Variants in SLC39A6 observed in about 807,000 individuals in gnomAD.
SLC39A6 encodes zinc transporter ZIP6.
A neutral mutation model predicts 63.5 loss-of-function variants in SLC39A6; 51 were observed. That is an observed-to-expected ratio of 0.80 (90% CI 0.64 to 1.01). The LOEUF is 1.01. Among genes scored for constraint, SLC39A6 ranks in the 50% least tolerant of loss-of-function variants. SLC39A6 has a pLI of 0.00. For synonymous variants in SLC39A6, 318 were observed against 324.7 expected (o/e 0.98, Z 0.22); for missense variants, 805 against 927.8 (o/e 0.87, Z 1.72).
At chr18:36,116,583 A>T in intron 6 of SLC39A6, 91 bp downstream of exon 6, 1 of 828,702 alleles carries the variant, frequency 1.2e-6, no homozygotes, top group Non-Finnish European at 2.0e-6. Context: ...ACCAAGGGAC[A>T]TGGTCCCATT....
chr18:36,109,753 A>T lies in SLC39A6; in HGVS notation c.2116-8T>A. Reference sequence around the variant, plus strand: ...GTGCAGCATTTCAGGTACCTTTAAAAAAAAGTAAGGGAAAATAAGAGTGAC... The same window carrying T: ...GTGCAGCATTTCAGGTACCTTTAAATAAAAGTAAGGGAAAATAAGAGTGAC... On this transcript the variant is annotated splice_polypyrimidine_tract_variant and splice_region_variant and intron_variant, in intron 9 of 9. Transcript: ENST00000269187. The T allele has an allele frequency of 6.3e-7, 1 of 1,588,326 alleles. No individual in the cohort carries two copies.
chr18:36,120,159 C>T (rs1258193358), intron 5 of SLC39A6, among the ~76,000 whole-genome samples: 2 of 151,996 alleles, frequency 1.3e-5, no homozygotes, highest in Admixed American at 1.3e-4. Context: ...CATGGGATCT[C>T]CCAGAGGTGC....
rs1298250677 is a variant in SLC39A6 at position 36,109,726 on chromosome 18, T to C, written c.2135A>G (p.Asn712Ser). 5.6e-6 allele frequency: 9 copies of C among 1,608,206 alleles called. No individual in the cohort carries two copies. Among genetic ancestry groups the C allele is most frequent in the Non-Finnish European group, 7.6e-6 (9 of 1,178,194 alleles). ...GCTACATCCATGGTCACTAGCATCA[T>C]TGTGCAGCATTTCAGGTACCTTTAA... Reference protein sequence around the residue: ...LVDMVPEMLHNDASDHGCSRW... With the variant: ...LVDMVPEMLHSDASDHGCSRW... Residue 712 changes from asparagine (N) to serine (S), a missense_variant, in exon 10 of 10, where the codon AAT becomes AGT. Around this residue, in one of 4 missense-constraint regions of SLC39A6, gnomAD observed 145 missense variants for 227.2 expected, o/e 0.64. Coordinates refer to ENST00000269187, the MANE Select transcript of SLC39A6 (RefSeq NM_012319.4).
intron 2 of SLC39A6, among the ~76,000 whole-genome samples, chr18:36,125,388 C>T (rs2089428871): frequency 6.6e-6 from 1 of 151,486 alleles, no homozygotes; most frequent in South Asian, 2.1e-4. Context: ...CCCAAACTGG[C>T]TTTAGTACCA....
At chr18:36,116,882 G>T in intron 5 of SLC39A6, 103 bp from the exon 6 acceptor site, 1 of 713,246 alleles carries the variant, frequency 1.4e-6, no homozygotes, top group South Asian at 1.8e-5. Context: ...TGCCCCCACA[G>T]TCATCTACTC....
intron 1 of SLC39A6, among the ~76,000 whole-genome samples, chr18:36,128,092 C>T (rs1271953910): frequency 2.0e-5 from 3 of 152,154 alleles, no homozygotes; most frequent in African/African-American, 7.2e-5. Context: ...TAATCATCCA[C>T]AGTAGTGTTT....
At position 36,122,177 on chromosome 18, in the gene SLC39A6, T is replaced by G; in HGVS notation, c.1234A>C (p.Ile412Leu). Reference protein sequence around the residue: ...PLFSHLSSQNIEESAYFDSTW... With the variant: ...PLFSHLSSQNLEESAYFDSTW... ...GAATCAAAATAGGCACTTTCTTCTA[T>G]GTTTTGAGAAGACAGATGACTGAAA... Residue 412 changes from isoleucine (I) to leucine (L), a missense_variant, in exon 5 of 10, where the codon ATA (isoleucine) becomes CTA (leucine). Around this residue, in one of 4 missense-constraint regions of SLC39A6, gnomAD observed 639 missense variants for 644.0 expected, o/e 0.99. Coordinates refer to ENST00000269187, the MANE Select transcript of SLC39A6 (RefSeq NM_012319.4). The G allele has an allele frequency of 6.2e-7, 1 of 1,613,868 alleles. No homozygotes were observed. The highest frequency in any genetic ancestry group is 2.2e-5 in the East Asian group (1 of 44,870).
At chr18:36,118,070 C>T (rs1352114915) in intron 5 of SLC39A6, among the ~76,000 whole-genome samples, 2 of 150,684 alleles carry the variant, frequency 1.3e-5, no homozygotes, top group Non-Finnish European at 1.5e-5. Context: ...CAAATCTTTA[C>T]ACTTATCCTG....
chr18:36,118,638 G>A (rs2089367132), intron 5 of SLC39A6, among the ~76,000 whole-genome samples: 1 of 152,124 alleles, frequency 6.6e-6, no homozygotes, highest in Non-Finnish European at 1.5e-5. Context: ...TGAGGCTGAG[G>A]CAACTAAAGG....
chr18:36,121,553 T>G (rs563119417), intron 5 of SLC39A6, among the ~76,000 whole-genome samples: 3 of 149,326 alleles, frequency 2.0e-5, no homozygotes, highest in East Asian at 3.9e-4. Flanking sequence ...CTCAAAAGGG[T>G]TTTTTTTGGC....
rs534085948 is a variant in SLC39A6 at position 36,112,450 on chromosome 18, C to A, written c.1924+51G>T. On this transcript the variant is annotated intron_variant, in intron 8 of 9. Coordinates refer to ENST00000269187, the MANE Select transcript of SLC39A6 (RefSeq NM_012319.4). ...AACTACCATTAGCAAAAGCCAGTGA[C>A]ACTAGAACATTTCACCCACTTGGCA... is the stretch of plus-strand genomic sequence containing the variant. 68 of 1,339,802 alleles carry A rather than the reference C, an allele frequency of 5.1e-5. 1 individual carries two copies. The East Asian group carries it at 8.0e-4, about 16-fold the overall frequency. 83.0% of individuals were successfully genotyped at this position (1,339,802 alleles called of 1,614,324 possible).
Position 36,126,647 on chromosome 18 carries a change from C to T in SLC39A6, c.361G>A (p.Glu121Lys), listed in dbSNP as rs370708313. The change falls in exon 2 of 10, where the codon GAG becomes AAG. Residue 121 changes from glutamate to lysine, a missense_variant. This residue lies in a region of SLC39A6 where 639 missense variants were observed against 644.0 expected (regional missense o/e 0.99). Coordinates refer to ENST00000269187, the MANE Select transcript of SLC39A6 (RefSeq NM_012319.4). ...HSDHEHHSEH[E>K]HHSDHDHHSH... The stretch of plus-strand genomic sequence containing the variant: ...TGATGATCATGGTCAGAGTGATGCT[C>T]GTGCTCTGAGTGATGCTCATGGTCT... 8.1e-6 allele frequency: 13 copies of T among 1,602,406 alleles called. No homozygotes were observed. In the East Asian group the frequency reaches 1.3e-4, roughly 17 times the overall value.
chr18:36,123,422 C>T, intron 4 of SLC39A6, 73 bp downstream of exon 4: 1 of 1,342,560 alleles, frequency 7.4e-7, no homozygotes, highest in Non-Finnish European at 1.0e-6. Context: ...ACAAAAAATT[C>T]TAGCATAAAC....
At chr18:36,122,705 A>G (rs1184819210) in intron 4 of SLC39A6, among the ~76,000 whole-genome samples, 3 of 152,228 alleles carry the variant, frequency 2.0e-5, no homozygotes, top group Admixed American at 6.5e-5. Context: ...GCACTGCCCT[A>G]GCAGCCTGTA....
At chr18:36,128,676 A>G (rs1432626292) in intron 1 of SLC39A6, among the ~76,000 whole-genome samples, 1 of 152,136 alleles carries the variant, frequency 6.6e-6, no homozygotes, top group Non-Finnish European at 1.5e-5. Context: ...GAGGATGCTG[A>G]GCGCGGTCGT....
chr18:36,127,428 C>G (rs1160330555), intron 1 of SLC39A6, among the ~76,000 whole-genome samples: 4 of 151,778 alleles, frequency 2.6e-5, no homozygotes, highest in Non-Finnish European at 5.9e-5. Context: ...AATCCCAGCA[C>G]TTTGGGAGGC....
intron 1 of SLC39A6, 79 bp from the exon 2 acceptor site, chr18:36,127,095 T>G (rs892691440): frequency 4.0e-6 from 5 of 1,262,954 alleles, no homozygotes; most frequent in Non-Finnish European, 5.4e-6. Flanking sequence ...TGAAAATTAA[T>G]GTGTAATCAA....
chr18:36,110,891 T>G, intron 9 of SLC39A6, 168 bp downstream of exon 9: 1 of 1,154,174 alleles, frequency 8.7e-7, no homozygotes, highest in Non-Finnish European at 1.2e-6. Context: ...CTCAGGAGGC[T>G]GAGATGGAAG....
At chr18:36,115,508 A>G (rs1426207589) in intron 6 of SLC39A6, among the ~76,000 whole-genome samples, 1 of 151,722 alleles carries the variant, frequency 6.6e-6, no homozygotes, top group Non-Finnish European at 1.5e-5. Flanking sequence ...ATATCAAAAC[A>G]GTGTGGTCTA....
Sources: allele counts gnomAD v4.1 joint callset (sites outside exome capture counted in the v4.1 genomes callset), GRCh38; gene constraint gnomAD v4.1.1; regional missense constraint gnomAD v4.1.1; transcripts MANE v1.5; gene names NCBI Gene and HGNC (gene_info 2026-07-23, HGNC 2026-07-21).